The following CD96 variants were observed in gnomAD, a reference collection of about 807,000 sequenced individuals.
CD96 encodes CD96 molecule.
In CD96, 70 loss-of-function variants were observed where a neutral mutation model predicts 71.3. The ratio of observed to expected loss-of-function variants is 0.98; its 90% CI spans 0.81 to 1.20. The LOEUF (loss-of-function observed/expected upper bound fraction) is 1.20. Among genes scored for constraint, CD96 ranks in the 50% most tolerant of loss-of-function variants. The pLI is 0.00. For synonymous variants in CD96, 248 were observed against 233.0 expected (o/e 1.06, Z -0.59); for missense variants, 742 against 677.5 (o/e 1.10, Z -1.06).
intron 4 of CD96, 186 bp downstream of exon 4, chr3:111,579,420 T>C (rs1288000697): frequency 3.0e-6 from 2 of 674,240 alleles, no homozygotes; most frequent in Non-Finnish European, 2.8e-6. Context: ...TAAAGAATGA[T>C]GATTCTGTTA....
chr3:111,581,973 A>G (rs1936487317), intron 4 of CD96, among the ~76,000 whole-genome samples: 1 of 152,162 alleles, frequency 6.6e-6, no homozygotes, highest in Non-Finnish European at 1.5e-5. Flanking sequence ...ATCAGTTAGC[A>G]CCATAGGTTT....
intron 4 of CD96, among the ~76,000 whole-genome samples, chr3:111,583,402 C>A (rs1311731284): frequency 6.6e-6 from 1 of 152,136 alleles, no homozygotes; most frequent in African/African-American, 2.4e-5. Context: ...GTGGATCTAC[C>A]ATTCTGGGGT....
intron 2 of CD96, among the ~76,000 whole-genome samples, chr3:111,565,202 A>C (rs1403179715): frequency 2.6e-5 from 4 of 152,188 alleles, no homozygotes; most frequent in African/African-American, 9.6e-5. Flanking sequence ...TCAGAAGCCC[A>C]GTTGATCTTC....
intron 7 of CD96, among the ~76,000 whole-genome samples, chr3:111,603,908 C>T (rs1277089488): frequency 6.6e-6 from 1 of 152,180 alleles, no homozygotes; most frequent in African/African-American, 2.4e-5. Context: ...TGGCCTCATA[C>T]CCTTGACTGA....
chr3:111,659,662 A>G (rs1251784462), intron 14 of CD96, among the ~76,000 whole-genome samples: 2 of 152,208 alleles, frequency 1.3e-5, no homozygotes, highest in African/African-American at 2.4e-5. Context: ...GCAGCACATC[A>G]AAAAGTTAAC....
Position 111,646,158 on chromosome 3 carries a change from T to C in CD96, c.1478-1385T>C, listed in dbSNP as rs566994610. On this transcript the variant is annotated intron_variant, in intron 12 of 13. Transcript: ENST00000352690. ...ATCGAAATACCTAAAGACCTATCTATCATGTATAAGAAATTTCACTGGAGT... is the reference window on the plus strand; with the variant it reads ...ATCGAAATACCTAAAGACCTATCTACCATGTATAAGAAATTTCACTGGAGT... Among the ~76,000 whole-genome samples the C allele has an allele frequency of 2.0e-5, 3 of 152,206 alleles. No homozygotes were observed. In the East Asian group the frequency reaches 5.8e-4, roughly 29 times the overall value.
intron 5 of CD96, 30 bp from the exon 6 acceptor site, chr3:111,598,090 C>A (rs1937338323): frequency 1.0e-6 from 1 of 978,908 alleles, no homozygotes; most frequent in Non-Finnish European, 1.7e-6. Flanking sequence ...TAGGAATTTG[C>A]AAATAATCCT....
chr3:111,581,121 C>T (rs556667947), intron 4 of CD96, among the ~76,000 whole-genome samples: 1 of 152,286 alleles, frequency 6.6e-6, no homozygotes, highest in Admixed American at 6.5e-5. Flanking sequence ...TTGGATTCTA[C>T]AGCTCTTTGT....
chr3:111,606,004 G>A (rs906041778), intron 7 of CD96, among the ~76,000 whole-genome samples: 5 of 152,076 alleles, frequency 3.3e-5, no homozygotes, highest in Non-Finnish European at 7.3e-5. Flanking sequence ...TTTGTAAATT[G>A]TCCTTCCAAT....
chr3:111,577,762 A>G (rs777560942), intron 3 of CD96, among the ~76,000 whole-genome samples: 4 of 152,214 alleles, frequency 2.6e-5, no homozygotes, highest in East Asian at 3.8e-4. Context: ...GTTTCTGCCC[A>G]TACTTGAATG....
chr3:111,555,944 T>C (rs907803759), intron 2 of CD96, among the ~76,000 whole-genome samples: 1 of 152,310 alleles, frequency 6.6e-6, no homozygotes, highest in Non-Finnish European at 1.5e-5. Flanking sequence ...TGAAGCTGTT[T>C]TCATTTCTTT....
In CD96 at chr3:111,567,682, G is replaced by C. The variant is rs200635065; in HGVS notation, c.543+35G>C. The C allele has an allele frequency of 7.5e-4, 1,181 of 1,584,640 alleles. 1 individual carries two copies. The highest frequency in any genetic ancestry group is 9.0e-4 in the Non-Finnish European group (1,036 of 1,153,812). ...GCCCTTTTCAGTGAATAACCTCAAT[G>C]GTCTTTAAACATTAACGAAGTAAAA... On this transcript the variant is annotated intron_variant, in intron 3 of 13. Transcript: ENST00000352690.
At chr3:111,562,966 G>A (rs1359112065) in intron 2 of CD96, among the ~76,000 whole-genome samples, 1 of 152,190 alleles carries the variant, frequency 6.6e-6, no homozygotes, top group Non-Finnish European at 1.5e-5. Flanking sequence ...TCTTCTCACA[G>A]TTCTGGAGGT....
chr3:111,561,288 C>T (rs1440029068), intron 2 of CD96, among the ~76,000 whole-genome samples: 1 of 150,300 alleles, frequency 6.7e-6, no homozygotes, highest in Non-Finnish European at 1.5e-5. Flanking sequence ...AGGCGCTCTG[C>T]GTTTTAGAGT....
At chr3:111,613,960 T>A (rs1938090726) in intron 8 of CD96, among the ~76,000 whole-genome samples, 1 of 152,164 alleles carries the variant, frequency 6.6e-6, no homozygotes, top group South Asian at 2.1e-4. Flanking sequence ...TTTTCCATTC[T>A]TCTCTGTTCA....
chr3:111,661,322 G>T (rs1227819083), intron 14 of CD96, among the ~76,000 whole-genome samples: 3 of 152,136 alleles, frequency 2.0e-5, no homozygotes, highest in Admixed American at 6.5e-5. Flanking sequence ...TGGGGACACA[G>T]ATCCAAACCA....
intron 10 of CD96, chr3:111,633,686 T>G (rs911994334): frequency 1.3e-5 from 2 of 152,490 alleles, no homozygotes; most frequent in African/African-American, 4.8e-5. Flanking sequence ...GGGCCACATT[T>G]GTGGACCAGG....
At chr3:111,579,930 A>G (rs1936392035) in intron 4 of CD96, among the ~76,000 whole-genome samples, 1 of 152,216 alleles carries the variant, frequency 6.6e-6, no homozygotes, top group African/African-American at 2.4e-5. Context: ...TATCTTATTT[A>G]CAATGTTAAT....
chr3:111,570,488 C>G, intron 3 of CD96: 1 of 745,886 alleles, frequency 1.3e-6, no homozygotes, highest in South Asian at 1.9e-5. Context: ...TTAGGGGTCA[C>G]AGTGGAGCCA....
Sources: gnomAD v4.1 joint callset for allele counts (sites outside exome capture counted in the v4.1 genomes callset) on GRCh38, gnomAD v4.1.1 for gene constraint, MANE v1.5 for transcripts, NCBI Gene and HGNC (gene_info 2026-07-23, HGNC 2026-07-21) for gene names.